ANGPT2: variants seen among roughly 807,000 people sequenced by gnomAD.
ANGPT2 encodes the protein angiopoietin-2.
Under a neutral mutation model 62.9 loss-of-function variants are expected in ANGPT2, and 28 were observed. The ratio of observed to expected loss-of-function variants is 0.44; its 90% CI spans 0.33 to 0.61. The LOEUF (loss-of-function observed/expected upper bound fraction) is 0.61, where lower values mean the gene tolerates loss of function less well. Ranked by LOEUF, ANGPT2 falls within the 20% of genes least tolerant of loss-of-function variation. The pLI, the probability that ANGPT2 is intolerant of heterozygous loss-of-function variation, is 0.03. For missense variants in ANGPT2, 727 were observed against 594.9 expected (o/e 1.22, Z -2.31); for synonymous variants, 284 against 207.8 (o/e 1.37, Z -3.15).
At chr8:6,526,045 A>G (rs1341276292) in intron 3 of ANGPT2, among the ~76,000 whole-genome samples, 1 of 152,128 alleles carries the variant, frequency 6.6e-6, no homozygotes, top group Non-Finnish European at 1.5e-5. Context: ...ATAACAGGCA[A>G]GAGAAAAGTA....
chr8:6,512,982 C>T (rs552985578), intron 7 of ANGPT2, among the ~76,000 whole-genome samples: 1 of 152,336 alleles, frequency 6.6e-6, no homozygotes, highest in South Asian at 2.1e-4. Context: ...GACAGACTAA[C>T]TTTTGAAACC....
At chr8:6,511,561 A>G (rs548738590) in intron 7 of ANGPT2, among the ~76,000 whole-genome samples, 3 of 152,188 alleles carry the variant, frequency 2.0e-5, no homozygotes, top group Non-Finnish European at 4.4e-5. Context: ...GGAAAAAAAA[A>G]TCCCTTACAT....
chr8:6,515,654 A>G (rs1489694736), intron 5 of ANGPT2, among the ~76,000 whole-genome samples: 1 of 152,244 alleles, frequency 6.6e-6, no homozygotes, highest in Non-Finnish European at 1.5e-5. Context: ...GTTTTAAATA[A>G]TAAAGATTAC....
intron 1 of ANGPT2, among the ~76,000 whole-genome samples, chr8:6,535,165 A>AT (rs1405977129): frequency 6.6e-6 from 1 of 152,212 alleles, no homozygotes; most frequent in Non-Finnish European, 1.5e-5. Flanking sequence ...CTAAATAAAA[A>AT]TTATTGTATT....
At chr8:6,548,666 G>T (rs1281739415) in intron 1 of ANGPT2, among the ~76,000 whole-genome samples, 1 of 152,100 alleles carries the variant, frequency 6.6e-6, no homozygotes, top group South Asian at 2.1e-4. Context: ...AATTTAGAAA[G>T]ATTTGAAAAA....
chr8:6,503,462 CA>C (rs1276032355), intron 8 of ANGPT2, among the ~76,000 whole-genome samples: 2 of 152,196 alleles, frequency 1.3e-5, no homozygotes, highest in African/African-American at 2.4e-5. Flanking sequence ...TCCATTACGG[CA>C]AATGCTTTTA....
At chr8:6,530,822 GA>G (rs1819362497) in intron 2 of ANGPT2, among the ~76,000 whole-genome samples, 2 of 152,092 alleles carry the variant, frequency 1.3e-5, no homozygotes, top group Non-Finnish European at 2.9e-5. Context: ...CCATTTTTAG[GA>G]AGACAATGAA....
intron 7 of ANGPT2, 54 bp from the exon 8 acceptor site, chr8:6,509,116 A>C (rs1056331643): frequency 6.3e-7 from 1 of 1,580,744 alleles, no homozygotes; most frequent in Non-Finnish European, 8.6e-7. Flanking sequence ...GATTTACCGT[A>C]GTGGCAAATT....
At position 6,528,763 on chromosome 8, in the gene ANGPT2, G is replaced by A. The variant is rs564448839; in HGVS notation, c.445-1087C>T. 6.6e-5 allele frequency among the ~76,000 whole-genome samples: 10 copies of A among 152,330 alleles called. No homozygotes were observed. In the East Asian group the frequency reaches 7.7e-4, roughly 12 times the overall value. ...CAGTCAGCATTGTTGCCAAGGAACC[G>A]GAGACCTTGAAAGAATCATTGTTTG... On this transcript the variant is annotated intron_variant, in intron 2 of 8. Transcript: ENST00000629816.
intron 1 of ANGPT2, among the ~76,000 whole-genome samples, chr8:6,547,885 ATTT>A (rs78972556): frequency 1.9e-4 from 23 of 119,034 alleles, no homozygotes; most frequent in African/African-American, 5.1e-4. Flanking sequence ...TCTTACCCCC[ATTT>A]TTTTTTTTTT....
chr8:6,552,733 G>A (rs1040231934), intron 1 of ANGPT2, among the ~76,000 whole-genome samples: 10 of 151,690 alleles, frequency 6.6e-5, no homozygotes, highest in Non-Finnish European at 8.8e-5. Flanking sequence ...AACTGGTACC[G>A]TTTCTGAAGA....
chr8:6,500,208 A>T lies in ANGPT2; in HGVS notation c.*2893T>A, dbSNP rs527238617. 1.8e-4 allele frequency: 78 copies of T among 424,900 alleles called. No homozygotes were observed. Among genetic ancestry groups the T allele is most frequent in the Non-Finnish European group, 2.7e-4 (62 of 228,876 alleles). 26.3% of individuals were successfully genotyped at this position (424,900 alleles called of 1,614,324 possible). A position where few individuals can be genotyped will look rare whatever the true frequency, so the allele number is the denominator to read the frequency against. On this transcript the variant is annotated 3_prime_UTR_variant, in exon 9 of 9. Coordinates refer to ENST00000629816, the MANE Select transcript of ANGPT2 (RefSeq NM_001118887.2). ...GAAAAACAAAAATGAAAAAAGACTG[A>T]ATTCTTGGGCAGGTAGTCTTATATC...
chr8:6,555,709 C>G (rs772370355), intron 1 of ANGPT2, among the ~76,000 whole-genome samples: 25 of 152,152 alleles, frequency 1.6e-4, no homozygotes, highest in Non-Finnish European at 3.2e-4. Context: ...GCGACCCACC[C>G]GCTTCGGCCT....
intron 5 of ANGPT2, 39 bp from the exon 6 acceptor site, chr8:6,514,817 C>T (rs1289947340): frequency 1.3e-6 from 2 of 1,555,208 alleles, no homozygotes; most frequent in Non-Finnish European, 1.8e-6. Flanking sequence ...ACAGAGCCCC[C>T]CCACTCCCCC....
intron 1 of ANGPT2, among the ~76,000 whole-genome samples, chr8:6,537,229 A>G (rs1820663275): frequency 6.6e-6 from 1 of 152,114 alleles, no homozygotes; most frequent in Non-Finnish European, 1.5e-5. Context: ...GGATTATTCC[A>G]TGAGCGTGAT....
At chr8:6,508,862 A>AT (rs746983154) in intron 8 of ANGPT2, 70 bp downstream of exon 8, 1 of 1,605,008 alleles carries the variant, frequency 6.2e-7, no homozygotes, top group South Asian at 1.1e-5. Context: ...TGTAGTCCAA[A>AT]TTGCCAGCCT....
chr8:6,556,267 T>A (rs1824590159), intron 1 of ANGPT2, among the ~76,000 whole-genome samples: 1 of 152,232 alleles, frequency 6.6e-6, no homozygotes, highest in African/African-American at 2.4e-5. Flanking sequence ...ATTAAGAATG[T>A]TTATTTCAGA....
At position 6,521,340 on chromosome 8, in the gene ANGPT2, T is replaced by G; in HGVS notation, c.637A>C (p.Lys213Gln). The change falls in exon 4 of 9, where the codon AAA (lysine) becomes CAA (glutamine). Residue 213 changes from lysine (K) to glutamine (Q), a missense_variant. Coordinates refer to ENST00000629816, the MANE Select transcript of ANGPT2 (RefSeq NM_001118887.2). ...GATACTAACACCTGTAGCTGATCTT[T>G]CTCTTCTTTTATTGACTGTAGTTGG... is the stretch of plus-strand genomic sequence containing the variant. ...IIQLQSIKEE[K>Q]DQLQVLVSKQ... The G allele has an allele frequency of 1.2e-6, 2 of 1,613,854 alleles. No homozygotes were observed. The highest frequency in any genetic ancestry group is 1.7e-6 in the Non-Finnish European group (2 of 1,179,948).
At chr8:6,534,802 C>G (rs1265774558) in intron 1 of ANGPT2, among the ~76,000 whole-genome samples, 2 of 152,172 alleles carry the variant, frequency 1.3e-5, no homozygotes, top group Admixed American at 1.3e-4. Flanking sequence ...TTAATTCATT[C>G]TTTCTCCTTC....
Sources: gnomAD v4.1 joint callset for allele counts (sites outside exome capture counted in the v4.1 genomes callset) on GRCh38, gnomAD v4.1.1 for gene constraint, MANE v1.5 for transcripts, NCBI Gene and HGNC (gene_info 2026-07-23, HGNC 2026-07-21) for gene names.